Variants in SEPTIN9 observed in about 807,000 individuals in gnomAD.
SEPTIN9 encodes the protein septin-9.
SEPTIN9 carries 13 observed loss-of-function variants against 56.6 expected under a neutral mutation model. The observed-to-expected ratio is 0.23, with a 90% CI of 0.15 to 0.37. The LOEUF (loss-of-function observed/expected upper bound fraction) is 0.37, where lower values mean the gene tolerates loss of function less well. Among genes scored for constraint, SEPTIN9 ranks in the 10% least tolerant of loss-of-function variants. SEPTIN9 has a pLI of 1.00. For missense variants in SEPTIN9, 650 were observed against 823.1 expected, an observed-to-expected ratio of 0.79 and a Z score of 2.57; for synonymous variants, 332 against 334.1, an observed-to-expected ratio of 0.99 and a Z score of 0.07.
At chr17:77,385,517 C>T (rs1365679583) in intron 2 of SEPTIN9, among the ~76,000 whole-genome samples, 2 of 152,048 alleles carry the variant, frequency 1.3e-5, no homozygotes, top group Non-Finnish European at 2.9e-5. Flanking sequence ...CTGCGCCCGG[C>T]CATGGGAGAC....
intron 2 of SEPTIN9, among the ~76,000 whole-genome samples, chr17:77,395,469 C>T (rs866556237): frequency 1.4e-5 from 2 of 146,456 alleles, no homozygotes; most frequent in Admixed American, 7.1e-5. Context: ...GTGGAGCTTG[C>T]GGTGAGCCGA....
intron 2 of SEPTIN9, among the ~76,000 whole-genome samples, chr17:77,350,583 C>T (rs994458883): frequency 1.3e-5 from 2 of 151,148 alleles, no homozygotes; most frequent in Non-Finnish European, 3.0e-5. Flanking sequence ...CTGGAAGAAG[C>T]TCTGCCTCTC....
In SEPTIN9 at chr17:77,326,198, C is replaced by T. The variant is rs2033133968; in HGVS notation, c.76+19001C>T. On this transcript the variant is annotated intron_variant, in intron 2 of 11. Transcript: ENST00000427177. The surrounding 1 kb of genome is among the most constrained non-coding windows in gnomAD (Gnocchi z 5.1). ...TGACCCCCAACATGACAAAATAAAC[C>T]TCCCTTGCCGGTCACTCATTCATTC... is the stretch of plus-strand genomic sequence containing the variant. 2.6e-5 allele frequency among the ~76,000 whole-genome samples: 4 copies of T among 152,238 alleles called. No individual in the cohort carries two copies. The South Asian group carries it at 8.3e-4, about 32-fold the overall frequency.
intron 1 of SEPTIN9, among the ~76,000 whole-genome samples, chr17:77,289,438 C>T (rs188846938): frequency 5.0e-3 from 504 of 101,154 alleles, no homozygotes; most frequent in African/African-American, 0.02. Flanking sequence ...GATGGAGTTT[C>T]GCTCTTGTTG....
intron 2 of SEPTIN9, among the ~76,000 whole-genome samples, chr17:77,361,880 C>T (rs1471320798): frequency 2.6e-5 from 4 of 152,234 alleles, no homozygotes; most frequent in Non-Finnish European, 5.9e-5. Context: ...GATCCGCCCG[C>T]CTCGGCCTCC....
chr17:77,290,494 C>G (rs1182326669), intron 1 of SEPTIN9, among the ~76,000 whole-genome samples: 1 of 151,560 alleles, frequency 6.6e-6, no homozygotes, highest in Non-Finnish European at 1.5e-5. Flanking sequence ...CTTCTGACCT[C>G]GTGATCCACT....
chr17:77,498,113 C>T (rs2143482406), intron 11 of SEPTIN9, among the ~76,000 whole-genome samples: 1 of 152,144 alleles, frequency 6.6e-6, no homozygotes, highest in South Asian at 2.1e-4. Context: ...TGCCACAGGC[C>T]ATAGTCCTGG....
At position 77,323,107 on chromosome 17, in the gene SEPTIN9, G is replaced by A. The variant is rs554083628; in HGVS notation, c.76+15910G>A. Among the ~76,000 whole-genome samples, 1 of 152,268 alleles carries A rather than the reference G, an allele frequency of 6.6e-6. No individual in the cohort carries two copies. The highest frequency in any genetic ancestry group is 1.9e-4 in the East Asian group (1 of 5,172). ...GGAAGGCTTAGGAGCCCCAAGACCT[G>A]CCCTCTTGTCCCTCCCTCGGCAGTG... On this transcript the variant is annotated intron_variant, in intron 2 of 11. Transcript: ENST00000427177. This position sits in a 1 kb window ranked among gnomAD's most constrained non-coding sequence, Gnocchi z 6.8.
At chr17:77,431,812 G>A (rs1348533847) in intron 3 of SEPTIN9, among the ~76,000 whole-genome samples, 6 of 148,804 alleles carry the variant, frequency 4.0e-5, no homozygotes, top group African/African-American at 1.0e-4. Context: ...CCTAGGCAAC[G>A]GGAGTGAAAT....
rs752276310 is a variant in SEPTIN9, at chr17:77,487,378, G to T, written c.914-46G>T. The T allele has an allele frequency of 7.7e-6, 12 of 1,563,492 alleles. No homozygotes were observed. In the East Asian group the frequency reaches 2.9e-4, roughly 38 times the overall value. On this transcript the variant is annotated intron_variant, in intron 4 of 11. Transcript: ENST00000427177. This position sits in a 1 kb window ranked among gnomAD's most constrained non-coding sequence, Gnocchi z 4.3. ...AGGGGCCCCATGTGCAGACCCTGCT[G>T]GTCTCTCCGGAGAGACCCCTGACCG...
chr17:77,457,763 T>C (rs2038278267), intron 3 of SEPTIN9, among the ~76,000 whole-genome samples: 1 of 152,252 alleles, frequency 6.6e-6, no homozygotes, highest in South Asian at 2.1e-4. Flanking sequence ...TGGCCACAGT[T>C]TACTCTGGAC....
chr17:77,492,877 GT>G lies in SEPTIN9; in HGVS notation c.1477-98del. On this transcript the variant is annotated intron_variant, in intron 9 of 11. Transcript: ENST00000427177. This position sits in a 1 kb window ranked among gnomAD's most constrained non-coding sequence, Gnocchi z 5.4. The stretch of plus-strand genomic sequence containing the variant: ...CCAGTGCTGTCAGGCTGAGGCTCTC[GT>G]TTTTGGGGGACCCCAGGCTCAGGGC... 1 of 1,267,778 alleles carries G rather than the reference GT, an allele frequency of 7.9e-7. No homozygotes were observed. The highest frequency in any genetic ancestry group is 1.1e-6 in the Non-Finnish European group (1 of 881,468). The allele number at this position is 1,267,778 out of a possible 1,614,324, so 78.5% of individuals were successfully genotyped here. A position where few individuals can be genotyped will look rare whatever the true frequency, so the allele number is the denominator to read the frequency against.
In SEPTIN9 at chr17:77,475,297, C is replaced by T. The variant is rs1400180488; in HGVS notation, c.722-6847C>T. The stretch of plus-strand genomic sequence containing the variant: ...GCAGAGAGCAGGCTCTGTGTGGGAG[C>T]GGGGAGGGCAAGCCCTGGTTGCGAG... On this transcript the variant is annotated intron_variant, in intron 3 of 11. Transcript: ENST00000427177. The surrounding 1 kb of genome is among the most constrained non-coding windows in gnomAD (Gnocchi z 4.6). The T allele has an allele frequency of 1.1e-5, 15 of 1,417,466 alleles. No homozygotes were observed. The highest frequency in any genetic ancestry group is 1.0e-4 in the African/African-American group (7 of 69,372). The allele number at this position is 1,417,466 out of a possible 1,614,324, so 87.8% of individuals were successfully genotyped here. A position where few individuals can be genotyped will look rare whatever the true frequency, so the allele number is the denominator to read the frequency against.
chr17:77,372,906 C>T (rs1250870634), intron 2 of SEPTIN9, among the ~76,000 whole-genome samples: 3 of 152,226 alleles, frequency 2.0e-5, no homozygotes, highest in African/African-American at 4.8e-5. Context: ...GCAGAGCGCG[C>T]GGCGGCGGTG....
rs1568083821 is a variant in SEPTIN9, at chr17:77,456,702, C to G, written c.722-25442C>G. 6.6e-6 allele frequency among the ~76,000 whole-genome samples: 1 copy of G among 151,808 alleles called. No homozygotes were observed. Among genetic ancestry groups the G allele is most frequent in the Non-Finnish European group, 1.5e-5 (1 of 67,912 alleles). On this transcript the variant is annotated intron_variant, in intron 3 of 11. Coordinates refer to ENST00000427177, the MANE Select transcript of SEPTIN9 (RefSeq NM_001113491.2). This position sits in a 1 kb window ranked among gnomAD's most constrained non-coding sequence, Gnocchi z 6.0. ...GGGACCAGCACCGGGTACCCACAGC[C>G]AGGGACGGGCCCCCATGGCCAGTAC...
rs1273613641 is a variant in SEPTIN9 at position 77,329,837 on chromosome 17, C to T, written c.76+22640C>T. 6.6e-6 allele frequency among the ~76,000 whole-genome samples: 1 copy of T among 152,216 alleles called. No individual in the cohort carries two copies. The highest frequency in any genetic ancestry group is 1.5e-5 in the Non-Finnish European group (1 of 68,036). ...CTGGGGTGAGGCAGAACCTCCCTCC[C>T]ATATTTACAGCACCAGCCAAGGCTT... On this transcript the variant is annotated intron_variant, in intron 2 of 11. Coordinates refer to ENST00000427177, the MANE Select transcript of SEPTIN9 (RefSeq NM_001113491.2). This position sits in a 1 kb window ranked among gnomAD's most constrained non-coding sequence, Gnocchi z 4.3.
intron 3 of SEPTIN9, among the ~76,000 whole-genome samples, chr17:77,448,265 T>C (rs8071338): frequency 0.074 from 11,298 of 151,952 alleles, 950 homozygotes; most frequent in African/African-American, 0.21. Context: ...TTGAGGTCTG[T>C]AGTTTGAGAC....
rs1051792596 is a variant in SEPTIN9, at chr17:77,335,652, A to G, written c.76+28455A>G. ...TGTGGTCCTGTATTAGTATATGTAC[A>G]TATATACATGTAGGCCCTATGTTGA... On this transcript the variant is annotated intron_variant, in intron 2 of 11. Transcript: ENST00000427177. Among the ~76,000 whole-genome samples, 21 of 143,484 alleles carry G rather than the reference A, an allele frequency of 1.5e-4. No individual in the cohort carries two copies. In the East Asian group the frequency reaches 4.2e-3, roughly 29 times the overall value. The allele number at this position is 143,484 out of a possible 152,430, so 94.1% of individuals were successfully genotyped here.
rs566620648 is a variant in SEPTIN9 at position 77,429,660 on chromosome 17, G to T, written c.721+26957G>T. ...ACAGATGGGGATAATGAGCTGGAGG[G>T]TGCTGGGCAGGAGCTGGCCAGTAAT... On this transcript the variant is annotated intron_variant, in intron 3 of 11. Transcript: ENST00000427177. This position sits in a 1 kb window ranked among gnomAD's most constrained non-coding sequence, Gnocchi z 5.2. Among the ~76,000 whole-genome samples the T allele has an allele frequency of 2.6e-5, 4 of 152,246 alleles. No homozygotes were observed. The South Asian group carries it at 8.3e-4, about 32-fold the overall frequency.
Sources: gnomAD v4.1 joint callset for allele counts (sites outside exome capture counted in the v4.1 genomes callset) on GRCh38, gnomAD v4.1.1 for gene constraint, Gnocchi (gnomAD v3.1) non-coding constraint, MANE v1.5 for transcripts, NCBI Gene and HGNC (gene_info 2026-07-23, HGNC 2026-07-21) for gene names.